SPTBN5: variants seen among roughly 807,000 people sequenced by gnomAD.
SPTBN5 encodes the protein spectrin beta, non-erythrocytic 5.
Under a neutral mutation model 477.6 loss-of-function variants are expected in SPTBN5, and 513 were observed. The observed-to-expected ratio is 1.07, with a 90% CI of 1.00 to 1.16. The LOEUF is 1.16. Among genes scored for constraint, SPTBN5 ranks in the 50% most tolerant of loss-of-function variants. SPTBN5 has a pLI of 0.00. For missense variants in SPTBN5, 5,062 were observed against 4,731.8 expected, an observed-to-expected ratio of 1.07 and a Z score of -2.05; for synonymous variants, 2,169 against 2,011.7, an observed-to-expected ratio of 1.08 and a Z score of -2.09.
intron 46 of SPTBN5, among the ~76,000 whole-genome samples, 181 bp from the exon 47 acceptor site, chr15:41,860,939 G>A (rs1389599473): frequency 6.6e-6 from 1 of 152,260 alleles, no homozygotes; most frequent in Non-Finnish European, 1.5e-5. Context: ...TCCCAGCCAG[G>A]GGAGGCATTT....
Position 41,853,772 on chromosome 15 carries a change from TA to T in SPTBN5, c.9789del (p.Met3264TrpfsTer64). ...QHRRLERELE[A>X]MEKEVARLQT... is the part of the protein sequence containing the mutation. ...TGTAGCCGTGCCACCTCCTTCTCCATAGCTTCCAGCTCTCTCTGCAACCAGA... is the reference window on the plus strand; with the variant it reads ...TGTAGCCGTGCCACCTCCTTCTCCATGCTTCCAGCTCTCTCTGCAACCAGA... On this transcript the variant is annotated frameshift_variant, in exon 58 of 68. Coordinates refer to ENST00000320955, the MANE Select transcript of SPTBN5 (RefSeq NM_016642.4). LOFTEE classifies it high-confidence loss of function. 1.3e-6 allele frequency: 2 copies of T among 1,569,474 alleles called. No individual in the cohort carries two copies. The highest frequency in any genetic ancestry group is 1.7e-6 in the Non-Finnish European group (2 of 1,157,356).
rs571735865 is a variant in SPTBN5 at position 41,886,261 on chromosome 15, G to A, written c.994C>T (p.Arg332Trp). Residue 332 changes from arginine to tryptophan, a missense_variant, in exon 7 of 68, where the codon CGG (arginine) becomes TGG (tryptophan). Physicochemically the swap from Arg to Trp is moderately radical, Grantham distance 101. Coordinates refer to ENST00000320955, the MANE Select transcript of SPTBN5 (RefSeq NM_016642.4). ...GCGGGCAGCGAGTCTGGAAAATCCC[G>A]CGCCTCCAGCTGCATCTGCTTCTCT... ...IAEKQMQLEA[R>W]DFPDSLPAMR... is the part of the protein sequence containing the mutation. 6.0e-5 allele frequency: 96 copies of A among 1,613,244 alleles called. 1 individual carries two copies. The highest frequency in any genetic ancestry group is 2.0e-4 in the Admixed American group (12 of 60,030).
At chr15:41,862,002 G>A in intron 44 of SPTBN5, 79 bp from the exon 45 acceptor site, 1 of 1,535,202 alleles carries the variant, frequency 6.5e-7, no homozygotes, top group South Asian at 1.2e-5. Flanking sequence ...AGCAGCTGAG[G>A]AGCGGGAGGC....
intron 42 of SPTBN5, 52 bp from the exon 43 acceptor site, chr15:41,862,712 C>G: frequency 6.5e-7 from 1 of 1,540,104 alleles, no homozygotes; most frequent in South Asian, 1.2e-5. Flanking sequence ...CTGGGCCACC[C>G]AAGCCCCTCC....
intron 67 of SPTBN5, among the ~76,000 whole-genome samples, chr15:41,848,868 C>T (rs2065647029): frequency 6.6e-6 from 1 of 152,174 alleles, no homozygotes; most frequent in Non-Finnish European, 1.5e-5. Context: ...CCTAGCAGCC[C>T]CAGCCCTGGG....
At chr15:41,874,113 T>C in intron 24 of SPTBN5, 68 bp from the exon 25 acceptor site, 1 of 1,529,066 alleles carries the variant, frequency 6.5e-7, no homozygotes, top group Non-Finnish European at 8.8e-7. Flanking sequence ...GCCATGGATG[T>C]GGCTCCAGGC....
At chr15:41,867,471 G>C in intron 35 of SPTBN5, 67 bp downstream of exon 35, 1 of 1,461,232 alleles carries the variant, frequency 6.8e-7, no homozygotes, top group Non-Finnish European at 9.6e-7. Flanking sequence ...AGCGCCCCGT[G>C]ACCCCCTTCA....
At position 41,853,619 on chromosome 15, in the gene SPTBN5, G is replaced by C. The variant is rs377146800; in HGVS notation, c.9943C>G (p.Gln3315Glu). ...CAGCGCCCGAGGAAGGCATGGCCCT[G>C]TGCAGCCTGCGCCAGCCACTGGCCT... ...ERGQWLAQAA[Q>E]GHAFLGRCQE... The change falls in exon 58 of 68, where the codon CAG (glutamine) becomes GAG (glutamate). Residue 3315 changes from glutamine to glutamate, a missense_variant. Physicochemically the swap from Gln to Glu is conservative, Grantham distance 29. Coordinates refer to ENST00000320955, the MANE Select transcript of SPTBN5 (RefSeq NM_016642.4). 1 of 1,591,080 alleles carries C rather than the reference G, an allele frequency of 6.3e-7. No individual in the cohort carries two copies. Among genetic ancestry groups the C allele is most frequent in the East Asian group, 2.3e-5 (1 of 44,412 alleles).
chr15:41,879,303 C>T lies in SPTBN5; in HGVS notation c.3139G>A (p.Val1047Met), dbSNP rs777291918. 2 of 1,611,696 alleles carry T rather than the reference C, an allele frequency of 1.2e-6. No individual in the cohort carries two copies. Among genetic ancestry groups the T allele is most frequent in the African/African-American group, 1.3e-5 (1 of 74,930 alleles). ...ALQLAQKKTL[V>M]LERRVHFLQS... ...AGGAAGTGGACCCTCCTCTCCAGCA[C>T]CAGGGTCTTCTTCTGGGCCAGCTGC... Residue 1047 changes from valine to methionine, a missense_variant, in exon 16 of 68, where the codon GTG becomes ATG. Coordinates refer to ENST00000320955, the MANE Select transcript of SPTBN5 (RefSeq NM_016642.4).
rs758239680 is a variant in SPTBN5 at position 41,853,729 on chromosome 15, A to G, written c.9833T>C (p.Leu3278Pro). ...CGGAGCTGCAGGATGTAGCTGGCCC[A>G]GTCGGCAGGCCTCCGTCTGTAGCCG... is the stretch of plus-strand genomic sequence containing the variant. ...VARLQTEACR[L>P]GQLHPAAPGG... is the part of the protein sequence containing the mutation. Residue 3278 changes from leucine (L) to proline (P), a missense_variant, in exon 58 of 68, where the codon CTG becomes CCG. By Grantham distance (98) the Leu-to-Pro change is moderately conservative. Coordinates refer to ENST00000320955, the MANE Select transcript of SPTBN5 (RefSeq NM_016642.4). The G allele has an allele frequency of 4.4e-6, 7 of 1,590,248 alleles. No homozygotes were observed. Among genetic ancestry groups the G allele is most frequent in the Admixed American group, 1.8e-5 (1 of 56,806 alleles).
At chr15:41,891,209 C>T (rs748405472) in intron 3 of SPTBN5, among the ~76,000 whole-genome samples, 4 of 152,200 alleles carry the variant, frequency 2.6e-5, no homozygotes, top group Non-Finnish European at 4.4e-5. Context: ...GAGTGGCACA[C>T]AGCAGGCAAT....
chr15:41,859,418 C>A (rs1449871230), intron 47 of SPTBN5, among the ~76,000 whole-genome samples: 3 of 152,218 alleles, frequency 2.0e-5, no homozygotes, highest in Non-Finnish European at 4.4e-5. Flanking sequence ...CTCGGCCTCC[C>A]AAAGTGCTGG....
At chr15:41,852,360 G>C (rs779256171) in intron 61 of SPTBN5, 44 bp from the exon 62 acceptor site, 2 of 1,518,122 alleles carry the variant, frequency 1.3e-6, no homozygotes, top group East Asian at 4.9e-5. Flanking sequence ...AGGTCAGGGA[G>C]ACCAGCCACA....
At chr15:41,889,497 A>G (rs1277722661) in intron 4 of SPTBN5, among the ~76,000 whole-genome samples, 3 of 144,922 alleles carry the variant, frequency 2.1e-5, no homozygotes, top group Non-Finnish European at 4.6e-5. Flanking sequence ...GGCTCATCAC[A>G]CCCTCAGCAT....
chr15:41,884,291 T>C (rs527252223), intron 7 of SPTBN5, among the ~76,000 whole-genome samples: 6 of 152,270 alleles, frequency 3.9e-5, no homozygotes, highest in Middle Eastern at 3.4e-3. Flanking sequence ...CGGCCAATTT[T>C]TGTATTTTTA....
intron 15 of SPTBN5, 103 bp from the exon 16 acceptor site, chr15:41,879,602 T>G (rs2271283): frequency 8.4e-6 from 13 of 1,547,502 alleles, no homozygotes; most frequent in Non-Finnish European, 1.7e-6. Context: ...AGACTGGCTG[T>G]CCCTTGCCCC....
At position 41,853,727 on chromosome 15, in the gene SPTBN5, C is replaced by T. The variant is rs965026604; in HGVS notation, c.9835G>A (p.Gly3279Ser). 4.4e-6 allele frequency: 7 copies of T among 1,590,824 alleles called. No individual in the cohort carries two copies. The South Asian group carries it at 7.9e-5, about 18-fold the overall frequency. The part of the protein sequence containing the change: ...ARLQTEACRL[G>S]QLHPAAPGGL... Reference sequence around the variant, plus strand: ...CCCGGAGCTGCAGGATGTAGCTGGCCCAGTCGGCAGGCCTCCGTCTGTAGC... The same window carrying T: ...CCCGGAGCTGCAGGATGTAGCTGGCTCAGTCGGCAGGCCTCCGTCTGTAGC... Residue 3279 changes from glycine to serine, a missense_variant, in exon 58 of 68, where the codon GGC becomes AGC. By Grantham distance (56) the Gly-to-Ser change is moderately conservative (BLOSUM62 0). Transcript: ENST00000320955.
rs745350290 is a variant in SPTBN5, at chr15:41,875,479, C to CA, written c.4265_4266insT (p.Glu1422AspfsTer46). On this transcript the variant is annotated frameshift_variant, in exon 22 of 68. Transcript: ENST00000320955. LOFTEE classifies it high-confidence loss of function. ...GGACCTGCAGCTGCCTCAGGAGTTG[C>CA]TCCTGCTGTCCAGCCTGCTGGAGCT... is the stretch of plus-strand genomic sequence containing the variant. 1 of 1,612,452 alleles carries CA rather than the reference C, an allele frequency of 6.2e-7. No homozygotes were observed. Among genetic ancestry groups the CA allele is most frequent in the Admixed American group, 1.7e-5 (1 of 59,876 alleles).
intron 67 of SPTBN5, 81 bp from the exon 68 acceptor site, chr15:41,848,709 C>A: frequency 6.5e-7 from 1 of 1,531,390 alleles, no homozygotes; most frequent in Non-Finnish European, 9.0e-7. Flanking sequence ...GGTGCCCCTG[C>A]CCTCCCCTGG....
Sources: gnomAD v4.1 joint callset for allele counts (sites outside exome capture counted in the v4.1 genomes callset) on GRCh38, gnomAD v4.1.1 for gene constraint, MANE v1.5 for transcripts, NCBI Gene and HGNC (gene_info 2026-07-23, HGNC 2026-07-21) for gene names.